PPM1A: variants seen among roughly 807,000 people sequenced by gnomAD.
PPM1A encodes protein phosphatase, Mg2+/Mn2+ dependent 1A, also known as protein phosphatase 1A.
PPM1A carries 7 observed loss-of-function variants against 35.0 expected under a neutral mutation model. That is an observed-to-expected ratio of 0.20 (90% CI 0.11 to 0.38). The LOEUF (loss-of-function observed/expected upper bound fraction) is 0.38, where lower values mean the gene tolerates loss of function less well. Ranked by LOEUF, PPM1A falls within the 10% of genes least tolerant of loss-of-function variation. The pLI is 1.00. For synonymous variants in PPM1A, 153 were observed against 167.3 expected, an observed-to-expected ratio of 0.91 and a Z score of 0.66; for missense variants, 239 against 467.8, an observed-to-expected ratio of 0.51 and a Z score of 4.51.
intron 1 of PPM1A, chr14:60,267,113 T>A (rs760316838): frequency 8.5e-5 from 13 of 152,318 alleles, no homozygotes; most frequent in African/African-American, 1.2e-4. Flanking sequence ...TGCCATCATG[T>A]CATTAACTGC....
intron 5 of PPM1A, among the ~76,000 whole-genome samples, chr14:60,291,951 T>C (rs1179881278): frequency 6.6e-5 from 10 of 152,080 alleles, no homozygotes; most frequent in Admixed American, 5.2e-4. Flanking sequence ...TAAATAGACA[T>C]TAGAATGCCA....
At chr14:60,263,688 C>A (rs1210518389) in intron 1 of PPM1A, among the ~76,000 whole-genome samples, 1 of 152,072 alleles carries the variant, frequency 6.6e-6, no homozygotes, top group African/African-American at 2.4e-5. Flanking sequence ...GTTTTTATTT[C>A]TGAAAGTAAT....
upstream of PPM1A, among the ~76,000 whole-genome samples, chr14:60,248,459 G>A (rs1378711765): frequency 6.6e-6 from 1 of 152,244 alleles, no homozygotes; most frequent in Non-Finnish European, 1.5e-5. Context: ...TGTGCCCCGT[G>A]CGTGAATCAG....
In PPM1A at chr14:60,295,942, TAAA is replaced by T. The variant is rs1566615660; in HGVS notation, c.*3462_*3464del. On this transcript the variant is annotated 3_prime_UTR_variant, in exon 6 of 6. Coordinates refer to ENST00000395076, the MANE Select transcript of PPM1A (RefSeq NM_021003.5). The stretch of plus-strand genomic sequence containing the variant: ...AAGAAAATTTTGCTTAGCATAAGAA[TAAA>T]ATTGGACTGAAGAGGCTTAAGCCCA... 1 of 151,646 alleles carries T rather than the reference TAAA, an allele frequency of 6.6e-6. No homozygotes were observed. The highest frequency in any genetic ancestry group is 2.4e-5 in the African/African-American group (1 of 41,388). 9.4% of individuals were successfully genotyped at this position (151,646 alleles called of 1,614,324 possible).
At chr14:60,250,354 G>GAGGTAT in intron 1 of PPM1A, 1 of 848,886 alleles carries the variant, frequency 1.2e-6, no homozygotes, top group Non-Finnish European at 1.4e-6. Flanking sequence ...GAGCTTGGTT[G>GAGGTAT]AGGTATGGTT....
chr14:60,252,298 C>G (rs540791209), intron 1 of PPM1A, among the ~76,000 whole-genome samples: 1 of 152,308 alleles, frequency 6.6e-6, no homozygotes, highest in Non-Finnish European at 1.5e-5. Flanking sequence ...AATCTATGCT[C>G]ATGTAGAAAT....
intron 1 of PPM1A, chr14:60,268,259 A>C (rs1264494980): frequency 3.1e-6 from 3 of 978,642 alleles, no homozygotes; most frequent in Non-Finnish European, 3.6e-6. Context: ...TTTTTGAGGG[A>C]TAGTTCTTTA....
chr14:60,289,936 CTT>C lies in PPM1A; in HGVS notation c.1061+23_1061+24del. On this transcript the variant is annotated intron_variant, in intron 4 of 5. Transcript: ENST00000395076. This position sits in a 1 kb window ranked among gnomAD's most constrained non-coding sequence, Gnocchi z 4.1. ...GCAAGTAAGTTACATTCTGTACACT[CTT>C]ATGCTTTATGTCAGTGTATGAAAAT... 6.9e-7 allele frequency: 1 copy of C among 1,440,668 alleles called. No homozygotes were observed. The highest frequency in any genetic ancestry group is 9.4e-7 in the Non-Finnish European group (1 of 1,059,212). 89.2% of individuals were successfully genotyped at this position (1,440,668 alleles called of 1,614,324 possible).
intron 1 of PPM1A, among the ~76,000 whole-genome samples, chr14:60,255,902 T>A (rs1883075098): frequency 6.6e-6 from 1 of 152,220 alleles, no homozygotes; most frequent in Non-Finnish European, 1.5e-5. Context: ...ATATCTCTTT[T>A]CAGAGTATTT....
rs1882132680 is a variant in PPM1A, at chr14:60,249,856, C to T, written c.-21+179C>T. Among the ~76,000 whole-genome samples the T allele has an allele frequency of 6.6e-6, 1 of 150,916 alleles. No homozygotes were observed. Among genetic ancestry groups the T allele is most frequent in the African/African-American group, 2.4e-5 (1 of 41,192 alleles). On this transcript the variant is annotated intron_variant, in intron 1 of 5. Coordinates refer to ENST00000395076, the MANE Select transcript of PPM1A (RefSeq NM_021003.5). The surrounding 1 kb of genome is among the most constrained non-coding windows in gnomAD (Gnocchi z 4.5). ...CTCCCCCGAGCCGGGCGGCGGACGG[C>T]GAGGGGTTAACGCTCGGCGAGGGCG...
At chr14:60,262,019 C>G (rs1282215405) in intron 1 of PPM1A, among the ~76,000 whole-genome samples, 3 of 152,060 alleles carry the variant, frequency 2.0e-5, no homozygotes, top group Non-Finnish European at 2.9e-5. Flanking sequence ...GAAATACTGC[C>G]TACAATATCT....
At chr14:60,262,509 C>T (rs1883857663) in intron 1 of PPM1A, among the ~76,000 whole-genome samples, 1 of 152,058 alleles carries the variant, frequency 6.6e-6, no homozygotes, top group African/African-American at 2.4e-5. Context: ...CACAGTGATA[C>T]CTTGTCTCTA....
At chr14:60,286,433 G>A (rs1887014961) in intron 3 of PPM1A, 1 of 985,050 alleles carries the variant, frequency 1.0e-6, no homozygotes, top group South Asian at 4.7e-5. Context: ...GCAGTAAAGT[G>A]TATATATTAT....
At chr14:60,284,302 C>T (rs1485125439) in intron 2 of PPM1A, among the ~76,000 whole-genome samples, 4 of 152,130 alleles carry the variant, frequency 2.6e-5, no homozygotes, top group South Asian at 2.1e-4. Context: ...CATTCCTGAA[C>T]GAATTGTTCA....
At position 60,285,632 on chromosome 14, in the gene PPM1A, A is replaced by G. The variant is rs1399549482; in HGVS notation, c.843A>G (p.Arg281=). 3.1e-6 allele frequency: 5 copies of G among 1,612,084 alleles called. No individual in the cohort carries two copies. The highest frequency in any genetic ancestry group is 4.2e-6 in the Non-Finnish European group (5 of 1,179,328). The change falls in exon 3 of 6, where the codon CGA becomes CGG. Residue 281 remains arginine (R), a synonymous_variant. Transcript: ENST00000395076. The part of the protein sequence containing the change: ...VVDTCLYKGS[R]DNMSVILICF... ...AATTTTTTTCTTCCCAGGGAAGTCG[A>G]GACAACATGAGTGTGATTTTGATCT...
At position 60,289,888 on chromosome 14, in the gene PPM1A, C is replaced by T. The variant is rs1179231657; in HGVS notation, c.1035C>T (p.Leu345=). The change falls in exon 4 of 6, where the codon CTC becomes CTT. Residue 345 remains leucine, a synonymous_variant. Coordinates refer to ENST00000395076, the MANE Select transcript of PPM1A (RefSeq NM_021003.5). This position sits in a 1 kb window ranked among gnomAD's most constrained non-coding sequence, Gnocchi z 4.1. ...RTLASENIPS[L]PPGGELASKR... ...TAGCGAGTGAGAACATCCCCAGCCT[C>T]CCACCAGGGGGTGAATTGGCAAGCA... 1.3e-6 allele frequency: 2 copies of T among 1,588,280 alleles called. No individual in the cohort carries two copies. Among genetic ancestry groups the T allele is most frequent in the Non-Finnish European group, 1.7e-6 (2 of 1,172,464 alleles).
intron 1 of PPM1A, among the ~76,000 whole-genome samples, chr14:60,256,203 A>T (rs1883117219): frequency 6.6e-6 from 1 of 152,176 alleles, no homozygotes; most frequent in African/African-American, 2.4e-5. Context: ...GGTGAATCAC[A>T]AGGTCAGGAG....
intron 1 of PPM1A, among the ~76,000 whole-genome samples, chr14:60,264,187 G>C (rs551283287): frequency 2.6e-5 from 4 of 152,186 alleles, no homozygotes; most frequent in African/African-American, 9.6e-5. Context: ...TTGTTTTTCA[G>C]CTAGATAGGG....
chr14:60,262,871 G>A (rs11158280), intron 1 of PPM1A, among the ~76,000 whole-genome samples: 53,561 of 152,052 alleles, frequency 0.35, 10,155 homozygotes, highest in African/African-American at 0.49. Flanking sequence ...GATTCTCTTA[G>A]TGCAATAAAT....
Sources: gnomAD v4.1 joint callset for allele counts (sites outside exome capture counted in the v4.1 genomes callset) on GRCh38, gnomAD v4.1.1 for gene constraint, Gnocchi (gnomAD v3.1) non-coding constraint, MANE v1.5 for transcripts, NCBI Gene and HGNC (gene_info 2026-07-23, HGNC 2026-07-21) for gene names.